The following SSBP3 variants were observed in gnomAD, a reference collection of about 807,000 sequenced individuals.
The protein encoded by SSBP3 is single-stranded DNA-binding protein 3.
SSBP3 carries 5 observed loss-of-function variants against 69.6 expected under a neutral mutation model. The observed-to-expected ratio is 0.07, with a 90% CI of 0.04 to 0.15. The LOEUF (loss-of-function observed/expected upper bound fraction) is 0.15. Ranked by LOEUF, SSBP3 falls within the 10% of genes least tolerant of loss-of-function variation. The probability of loss-of-function intolerance (pLI) is 1.00; values close to 1 mark genes in which losing one functional copy is unlikely to be tolerated. For synonymous variants in SSBP3, 196 were observed against 193.4 expected (o/e 1.01, Z -0.11); for missense variants, 312 against 534.0 (o/e 0.58, Z 4.10).
rs1336319171 is a variant in SSBP3, at chr1:54,258,063, G to T, written c.447+6C>A. ...CCGGCGGGCGGGAGCGCCACGGTGC[G>T]TTTACCTGACTGTGGGGTCCCATCA... On this transcript the variant is annotated splice_donor_region_variant and intron_variant, in intron 6 of 17. Coordinates refer to ENST00000610401, the Ensembl canonical transcript of SSBP3. This position sits in a 1 kb window ranked among gnomAD's most constrained non-coding sequence, Gnocchi z 4.5. 3 of 1,587,014 alleles carry T rather than the reference G, an allele frequency of 1.9e-6. No homozygotes were observed. The South Asian group carries it at 3.5e-5, about 18-fold the overall frequency.
chr1:54,347,152 G>A (rs1162281813), intron 4 of SSBP3, among the ~76,000 whole-genome samples: 1 of 152,038 alleles, frequency 6.6e-6, no homozygotes, highest in Non-Finnish European at 1.5e-5. Flanking sequence ...TTTTTACATA[G>A]AGATGGGGTC....
At chr1:54,388,195 AT>A (rs1168055702) in intron 4 of SSBP3, among the ~76,000 whole-genome samples, 1 of 152,026 alleles carries the variant, frequency 6.6e-6, no homozygotes, top group Non-Finnish European at 1.5e-5. Flanking sequence ...TTCAAAGTGC[AT>A]TTTTCCCCAA....
At chr1:54,228,921 C>A in intron 14 of SSBP3, 95 bp from the exon 15 acceptor site, 2 of 1,311,756 alleles carry the variant, frequency 1.5e-6, no homozygotes, top group South Asian at 1.3e-5. Flanking sequence ...AGTCCTGGCC[C>A]TGGGGAACCC....
Position 54,254,761 on chromosome 1 carries a change from C to T in SSBP3, c.507+2366G>A, listed in dbSNP as rs368018037. Among the ~76,000 whole-genome samples, 3 of 152,336 alleles carry T rather than the reference C, an allele frequency of 2.0e-5. No individual in the cohort carries two copies. The South Asian group carries it at 6.2e-4, about 32-fold the overall frequency. On this transcript the variant is annotated intron_variant, in intron 7 of 17. Coordinates refer to ENST00000610401, the Ensembl canonical transcript of SSBP3. ...TCAATACCTGTGGAAGGGGCACATC[C>T]CTCTTTGGAGGATAGAAATTTCTTG...
intron 4 of SSBP3, among the ~76,000 whole-genome samples, chr1:54,312,452 G>A (rs1460840212): frequency 2.6e-5 from 4 of 151,996 alleles, no homozygotes; most frequent in African/African-American, 7.3e-5. Flanking sequence ...GCCGGGTGTG[G>A]TGGCGGGTGC....
At chr1:54,395,616 C>T (rs1433584338) in intron 4 of SSBP3, among the ~76,000 whole-genome samples, 5 of 152,142 alleles carry the variant, frequency 3.3e-5, no homozygotes, top group South Asian at 4.1e-4. Context: ...TGGATATTGA[C>T]GGATGACTGT....
intron 5 of SSBP3, among the ~76,000 whole-genome samples, chr1:54,261,855 A>AACGGCATCTGCCCAGGGGTC (rs1645022201): frequency 6.6e-6 from 1 of 151,962 alleles, no homozygotes; most frequent in Admixed American, 6.6e-5. Flanking sequence ...GCTTAGGGAG[A>AACGGCATCTGCCCAGGGGTC]ACGGCATCTG....
chr1:54,314,560 G>A (rs1274116181), intron 4 of SSBP3, among the ~76,000 whole-genome samples: 2 of 152,230 alleles, frequency 1.3e-5, no homozygotes, highest in Non-Finnish European at 2.9e-5. Context: ...AAAAAGATTT[G>A]TGAAATAGAC....
intron 1 of SSBP3, among the ~76,000 whole-genome samples, chr1:54,405,194 C>G (rs1395621199): frequency 6.6e-6 from 1 of 152,198 alleles, no homozygotes. Flanking sequence ...CGCGGGCAAA[C>G]CCACCTAGGT....
chr1:54,368,522 C>A (rs1227152333), intron 4 of SSBP3, among the ~76,000 whole-genome samples: 1 of 151,976 alleles, frequency 6.6e-6, no homozygotes, highest in African/African-American at 2.4e-5. Context: ...CATTACCTGC[C>A]TGAAGCATTT....
chr1:54,259,775 C>G (rs1644987209), intron 5 of SSBP3, among the ~76,000 whole-genome samples: 1 of 152,182 alleles, frequency 6.6e-6, no homozygotes, highest in Admixed American at 6.5e-5. Context: ...CGCTGTGAGG[C>G]CTGGGAGTTT....
chr1:54,406,134 T>A, exon 1 of SSBP3: 3 of 664,388 alleles, frequency 4.5e-6, no homozygotes, highest in East Asian at 7.9e-5. Flanking sequence ...TCTCGCTCGC[T>A]GGCGCTCTCC....
chr1:54,296,347 T>C (rs539049580), intron 4 of SSBP3, among the ~76,000 whole-genome samples: 2 of 152,356 alleles, frequency 1.3e-5, no homozygotes, highest in South Asian at 4.1e-4. Flanking sequence ...GGACCATTCT[T>C]GACAAGGTCC....
chr1:54,396,192 A>AG (rs1491578477), intron 4 of SSBP3, among the ~76,000 whole-genome samples: 15 of 108,156 alleles, frequency 1.4e-4, no homozygotes, highest in African/African-American at 6.9e-4. Context: ...ACTCCATCTC[A>AG]GAAAAAAAAA....
intron 4 of SSBP3, among the ~76,000 whole-genome samples, chr1:54,333,762 G>A (rs1646461218): frequency 6.6e-6 from 1 of 152,088 alleles, no homozygotes; most frequent in Non-Finnish European, 1.5e-5. Flanking sequence ...ACACAGTGAG[G>A]GCCATATAAA....
chr1:54,243,415 G>T, intron 9 of SSBP3, 116 bp from the exon 10 acceptor site: 2 of 1,288,060 alleles, frequency 1.6e-6, no homozygotes, highest in Non-Finnish European at 2.2e-6. Flanking sequence ...AAGGATTGAT[G>T]AGAAAAAATA....
At chr1:54,362,484 C>T (rs1336688770) in intron 4 of SSBP3, among the ~76,000 whole-genome samples, 2 of 152,178 alleles carry the variant, frequency 1.3e-5, no homozygotes, top group East Asian at 3.9e-4. Context: ...TCAGAGGTAC[C>T]CAGGTCAAAT....
chr1:54,350,411 G>C (rs1646762880), intron 4 of SSBP3, among the ~76,000 whole-genome samples: 1 of 152,232 alleles, frequency 6.6e-6, no homozygotes, highest in Admixed American at 6.5e-5. Context: ...CTAGAAAACT[G>C]TGCCAAGCAC....
chr1:54,241,981 C>A (rs1186166612), intron 11 of SSBP3, among the ~76,000 whole-genome samples, 183 bp downstream of exon 11: 1 of 152,116 alleles, frequency 6.6e-6, no homozygotes, highest in Non-Finnish European at 1.5e-5. Flanking sequence ...GGGGTGGAGC[C>A]CTTGATGACC....
Sources: allele counts gnomAD v4.1 joint callset (sites outside exome capture counted in the v4.1 genomes callset), GRCh38; gene constraint gnomAD v4.1.1; non-coding constraint Gnocchi (gnomAD v3.1); transcripts MANE v1.5; gene names NCBI Gene and HGNC (gene_info 2026-07-23, HGNC 2026-07-21).